The following ATP11A variants were observed in gnomAD, a reference collection of about 807,000 sequenced individuals.
The protein encoded by ATP11A is ATPase phospholipid transporting 11A.
A neutral mutation model predicts 154.4 loss-of-function variants in ATP11A; 81 were observed. The observed-to-expected ratio is 0.52, with a 90% CI of 0.44 to 0.63. ATP11A has a LOEUF of 0.63. ATP11A is among the 30% of genes least tolerant of loss of function. The pLI is 0.00. For synonymous variants in ATP11A, 623 were observed against 585.9 expected (o/e 1.06, Z -0.91); for missense variants, 1,316 against 1,474.3 (o/e 0.89, Z 1.76).
chr13:112,805,178 A>T, intron 3 of ATP11A, 132 bp downstream of exon 3: 4 of 612,002 alleles, frequency 6.5e-6, no homozygotes, highest in African/African-American at 1.9e-5. Context: ...TAATTTATTT[A>T]TTTTCTTAAG....
rs79764249 is a variant in ATP11A, at chr13:112,782,405, T to C, written c.40-2730T>C. On this transcript the variant is annotated intron_variant, in intron 1 of 29. Transcript: ENST00000375645. ...AGAAAGTTTCTAGGATTTTCACTTT[T>C]GTATTAAAAGATATCTGTATGCTTT... Among the ~76,000 whole-genome samples, 878 of 151,904 alleles carry C rather than the reference T, an allele frequency of 5.8e-3. 5 individuals carry two copies. Among genetic ancestry groups the C allele is most frequent in the Middle Eastern group, 0.037 (11 of 294 alleles).
At chr13:112,780,454 T>TG in intron 1 of ATP11A, among the ~76,000 whole-genome samples, 1 of 152,186 alleles carries the variant, frequency 6.6e-6, no homozygotes, top group Non-Finnish European at 1.5e-5. Context: ...GCTTCACACA[T>TG]GGGATGCTTT....
Position 112,860,311 on chromosome 13 carries a change from A to T in ATP11A, c.2752A>T (p.Thr918Ser), listed in dbSNP as rs1428029765. 2 of 1,613,992 alleles carry T rather than the reference A, an allele frequency of 1.2e-6. No homozygotes were observed. Among genetic ancestry groups the T allele is most frequent in the South Asian group, 2.2e-5 (2 of 91,060 alleles). The change falls in exon 24 of 30, where the codon ACC becomes TCC. Residue 918 changes from threonine (T) to serine (S), a missense_variant. Transcript: ENST00000375645. The part of the protein sequence containing the change: ...QQTLYDTAYL[T>S]LYNISFTSLP... ...GACTTTGTACGACACCGCGTATCTG[A>T]CCCTCTACAACATCAGCTTCACCTC...
rs114375494 is a variant in ATP11A, at chr13:112,756,269, C to T, written c.40-28866C>T. ...TACGATTCTGGCTGGCTGTGCGAAT[C>T]GACCTCTGACCCCAAATAACTAAGG... is the stretch of plus-strand genomic sequence containing the variant. On this transcript the variant is annotated intron_variant, in intron 1 of 29. Transcript: ENST00000375645. Among the ~76,000 whole-genome samples, 798 of 152,258 alleles carry T rather than the reference C, an allele frequency of 5.2e-3. 11 individuals are homozygous for T. Among genetic ancestry groups the T allele is most frequent in the African/African-American group, 0.018 (743 of 41,556 alleles).
intron 1 of ATP11A, among the ~76,000 whole-genome samples, chr13:112,730,713 T>C (rs1890399078): frequency 6.6e-6 from 1 of 152,132 alleles, no homozygotes; most frequent in Non-Finnish European, 1.5e-5. Flanking sequence ...TATTTGTAAA[T>C]GAACCTTAAA....
chr13:112,804,156 C>CCCCTCCTTTT (rs1566505226), intron 2 of ATP11A, among the ~76,000 whole-genome samples: 1 of 406 alleles, frequency 2.5e-3, no homozygotes, highest in Non-Finnish European at 3.7e-3. Context: ...TGCCCTCCTT[C>CCCCTCCTTTT]CCTCCTTCAC....
intron 1 of ATP11A, among the ~76,000 whole-genome samples, chr13:112,772,436 T>C (rs2077248144): frequency 6.6e-6 from 1 of 152,196 alleles, no homozygotes; most frequent in Admixed American, 6.5e-5. Context: ...AACTTACATA[T>C]CATAAAATCA....
intron 1 of ATP11A, among the ~76,000 whole-genome samples, chr13:112,756,912 G>T (rs1349552926): frequency 1.3e-5 from 2 of 152,210 alleles, no homozygotes; most frequent in East Asian, 1.9e-4. Context: ...CGCGGGGCCT[G>T]CTCCTAACGC....
intron 20 of ATP11A, among the ~76,000 whole-genome samples, chr13:112,857,250 A>G (rs2079957842): frequency 6.6e-6 from 1 of 152,226 alleles, no homozygotes; most frequent in Non-Finnish European, 1.5e-5. Context: ...GGGGGGGAAA[A>G]GATTATAAAG....
chr13:112,821,829 T>C (rs1373797695), intron 8 of ATP11A, among the ~76,000 whole-genome samples: 1 of 152,238 alleles, frequency 6.6e-6, no homozygotes, highest in African/African-American at 2.4e-5. Flanking sequence ...TTAAAAACGC[T>C]GTTTGTTTTC....
At chr13:112,720,543 G>A (rs1889031595) in intron 1 of ATP11A, among the ~76,000 whole-genome samples, 1 of 152,126 alleles carries the variant, frequency 6.6e-6, no homozygotes, top group Admixed American at 6.5e-5. Flanking sequence ...GAAGCCTCTG[G>A]GTAGAGTCTG....
chr13:112,863,193 A>G (rs376946330), intron 25 of ATP11A, among the ~76,000 whole-genome samples: 309 of 102,880 alleles, frequency 3.0e-3, no homozygotes, highest in African/African-American at 0.012. Flanking sequence ...CACCACCTGC[A>G]CAGTAATTCA....
At chr13:112,828,149 A>G (rs1194745650) in intron 12 of ATP11A, among the ~76,000 whole-genome samples, 7 of 131,564 alleles carry the variant, frequency 5.3e-5, no homozygotes, top group Admixed American at 4.8e-4. Flanking sequence ...TAGGGGGGAA[A>G]GCGCCCAGCA....
intron 27 of ATP11A, among the ~76,000 whole-genome samples, chr13:112,874,545 C>G (rs2080654650): frequency 6.6e-6 from 1 of 152,194 alleles, no homozygotes; most frequent in Admixed American, 6.5e-5. Flanking sequence ...GCGCAGCAGC[C>G]TCTGCCACAG....
chr13:112,749,698 G>A (rs2076645566), intron 1 of ATP11A, among the ~76,000 whole-genome samples: 1 of 150,932 alleles, frequency 6.6e-6, no homozygotes, highest in African/African-American at 2.5e-5. Context: ...TCTGCTGAAG[G>A]ATGCGGGGTT....
At chr13:112,748,452 G>A (rs1369765229) in intron 1 of ATP11A, among the ~76,000 whole-genome samples, 6 of 152,166 alleles carry the variant, frequency 3.9e-5, no homozygotes, top group South Asian at 4.2e-4. Context: ...TGCAGCCTCC[G>A]CCTCCTGGGC....
chr13:112,755,397 T>G (rs2076797083), intron 1 of ATP11A, among the ~76,000 whole-genome samples: 1 of 152,208 alleles, frequency 6.6e-6, no homozygotes, highest in Non-Finnish European at 1.5e-5. Flanking sequence ...GCTTCTTGTC[T>G]GCGTCCCTTG....
chr13:112,836,060 C>T lies in ATP11A; in HGVS notation c.1632-118C>T, dbSNP rs982184312. 1.1e-5 allele frequency: 7 copies of T among 642,186 alleles called. No individual in the cohort carries two copies. The Admixed American group carries it at 1.4e-4, about 13-fold the overall frequency. The allele number at this position is 642,186 out of a possible 1,614,324, so 39.8% of individuals were successfully genotyped here. On this transcript the variant is annotated intron_variant, in intron 15 of 29. Transcript: ENST00000375645. ...CCTCACCCAGCAGCCCTCTGTGTGT[C>T]CCCTGAGGAAGGGCCAGGGCTGCCC...
At chr13:112,702,518 C>T (rs569222650) in intron 1 of ATP11A, among the ~76,000 whole-genome samples, 28 of 152,284 alleles carry the variant, frequency 1.8e-4, no homozygotes, top group Non-Finnish European at 2.5e-4. Context: ...GCCTCGGGCC[C>T]GATGTGCCAG....
Sources: gnomAD v4.1 joint callset for allele counts (sites outside exome capture counted in the v4.1 genomes callset) on GRCh38, gnomAD v4.1.1 for gene constraint, MANE v1.5 for transcripts, NCBI Gene and HGNC (gene_info 2026-07-23, HGNC 2026-07-21) for gene names.